BRAF: variants seen among roughly 807,000 people sequenced by gnomAD.
BRAF encodes B-Raf proto-oncogene, serine/threonine kinase.
Under a neutral mutation model 104.6 loss-of-function variants are expected in BRAF, and 16 were observed. That is an observed-to-expected ratio of 0.15 (90% confidence interval 0.10 to 0.23). BRAF has a LOEUF of 0.23. Among genes scored for constraint, BRAF ranks in the 10% least tolerant of loss-of-function variants. BRAF has a pLI of 1.00. For missense variants in BRAF, 541 were observed against 937.3 expected (o/e 0.58, Z 5.52); for synonymous variants, 310 against 341.6 (o/e 0.91, Z 1.02).
At chr7:140,864,394 A>T (rs1236176658) in intron 1 of BRAF, among the ~76,000 whole-genome samples, 3 of 152,166 alleles carry the variant, frequency 2.0e-5, no homozygotes, top group Admixed American at 2.0e-4. Flanking sequence ...GAGGGAGAGA[A>T]ATCAAGCATT....
intron 1 of BRAF, among the ~76,000 whole-genome samples, chr7:140,874,421 C>T (rs1811966580): frequency 6.6e-6 from 1 of 150,494 alleles, no homozygotes; most frequent in African/African-American, 2.4e-5. Flanking sequence ...AGGATGGCCT[C>T]GATCTCCTGA....
At chr7:140,906,595 C>T (rs1816352245) in intron 1 of BRAF, among the ~76,000 whole-genome samples, 1 of 152,304 alleles carries the variant, frequency 6.6e-6, no homozygotes, top group South Asian at 2.1e-4. Flanking sequence ...GCACCTCAGA[C>T]TTTTATCTAG....
At chr7:140,749,266 C>A (rs1368685964) in intron 17 of BRAF, 21 bp downstream of exon 16, 1 of 1,610,148 alleles carries the variant, frequency 6.2e-7, no homozygotes, top group African/African-American at 1.3e-5. Flanking sequence ...AAATAAACAC[C>A]AAGACGTGGT....
At chr7:140,819,759 T>C (rs1468903507) in intron 3 of BRAF, among the ~76,000 whole-genome samples, 2 of 152,184 alleles carry the variant, frequency 1.3e-5, no homozygotes, top group East Asian at 1.9e-4. Flanking sequence ...ATTTCATTTA[T>C]ATGAAATGCC....
At chr7:140,728,589 G>C (rs1198171888) in intron 19 of BRAF, among the ~76,000 whole-genome samples, 1 of 151,060 alleles carries the variant, frequency 6.6e-6, no homozygotes, top group Non-Finnish European at 1.5e-5. Flanking sequence ...TAAGACCTTA[G>C]AGTAAAACAT....
chr7:140,744,212 C>G (rs1797167162), intron 17 of BRAF, among the ~76,000 whole-genome samples: 1 of 152,224 alleles, frequency 6.6e-6, no homozygotes, highest in South Asian at 2.1e-4. Context: ...GAGCTGGAAA[C>G]TAAGGTCAGC....
intron 12 of BRAF, chr7:140,779,740 C>T (rs543396290): frequency 1.2e-4 from 18 of 152,308 alleles, no homozygotes; most frequent in African/African-American, 4.1e-4. Context: ...TGAGAACAGC[C>T]TGGCCAACAT....
intron 19 of BRAF, chr7:140,733,865 G>C (rs1294615915): frequency 2.1e-6 from 1 of 471,348 alleles, no homozygotes; most frequent in Non-Finnish European, 2.8e-6. Context: ...CTACATGAGC[G>C]AGACATCCTT....
chr7:140,872,129 C>T (rs1811663577), intron 1 of BRAF, among the ~76,000 whole-genome samples: 1 of 152,032 alleles, frequency 6.6e-6, no homozygotes, highest in Non-Finnish European at 1.5e-5. Context: ...GCAGGAGAAT[C>T]ATTTGAATCT....
chr7:140,791,214 AAC>A (rs1801929751), intron 8 of BRAF, among the ~76,000 whole-genome samples: 1 of 152,194 alleles, frequency 6.6e-6, no homozygotes, highest in South Asian at 2.1e-4. Context: ...TCTCAAAATT[AAC>A]ACTTAATCCT....
At chr7:140,803,032 C>T (rs1803291905) in intron 5 of BRAF, among the ~76,000 whole-genome samples, 1 of 152,168 alleles carries the variant, frequency 6.6e-6, no homozygotes. Flanking sequence ...CGTTTAGATA[C>T]ACAAACTTGC....
chr7:140,727,652 G>C (rs1475432891), intron 19 of BRAF, among the ~76,000 whole-genome samples: 1 of 149,598 alleles, frequency 6.7e-6, no homozygotes, highest in Non-Finnish European at 1.5e-5. Context: ...ACGGAGTCTT[G>C]CTCTGTTACC....
chr7:140,821,731 G>A (rs955906443), intron 3 of BRAF, among the ~76,000 whole-genome samples: 2 of 151,840 alleles, frequency 1.3e-5, no homozygotes, highest in South Asian at 2.1e-4. Flanking sequence ...CTCATTGCTC[G>A]GTATATATAC....
At chr7:140,798,938 C>G (rs1015727674) in intron 7 of BRAF, 1 of 173,208 alleles carries the variant, frequency 5.8e-6, no homozygotes, top group African/African-American at 2.4e-5. Context: ...CTCCACCTCC[C>G]AGGTTCAAGT....
At chr7:140,763,217 G>A (rs913864620) in intron 14 of BRAF, among the ~76,000 whole-genome samples, 3 of 151,964 alleles carry the variant, frequency 2.0e-5, no homozygotes, top group African/African-American at 7.2e-5. Context: ...CCCGGACGAG[G>A]CGGCTGGCCG....
intron 1 of BRAF, among the ~76,000 whole-genome samples, chr7:140,873,356 G>A (rs1206156308): frequency 6.6e-6 from 1 of 152,100 alleles, no homozygotes; most frequent in African/African-American, 2.4e-5. Context: ...CTTTAGTACA[G>A]ACAGGGTTTC....
chr7:140,739,661 C>T, intron 18 of BRAF, 151 bp downstream of exon 17: 1 of 872,978 alleles, frequency 1.1e-6, no homozygotes, highest in East Asian at 2.5e-5. Context: ...CTGCTCAACC[C>T]TCATGAAGCC....
At chr7:140,747,266 C>T in intron 17 of BRAF, 2 of 476,862 alleles carry the variant, frequency 4.2e-6, no homozygotes, top group Non-Finnish European at 5.8e-6. Context: ...ATTCTTTTAC[C>T]TCCTTCTTCT....
chr7:140,876,280 T>C (rs765588533), intron 1 of BRAF, among the ~76,000 whole-genome samples: 72 of 152,234 alleles, frequency 4.7e-4, no homozygotes, highest in Non-Finnish European at 9.1e-4. Flanking sequence ...GTTTTTATAA[T>C]GTAATCTCTG....
Sources: gnomAD v4.1 joint callset for allele counts (sites outside exome capture counted in the v4.1 genomes callset) on GRCh38, gnomAD v4.1.1 for gene constraint, MANE v1.5 for transcripts, NCBI Gene and HGNC (gene_info 2026-07-23, HGNC 2026-07-21) for gene names.